Variants in ST18 observed in about 807,000 individuals in gnomAD.
ST18 encodes ST18 C2H2C-type zinc finger transcription factor, also known as suppression of tumorigenicity 18 protein.
A neutral mutation model predicts 110.0 loss-of-function variants in ST18; 50 were observed. The ratio of observed to expected loss-of-function variants is 0.45; its 90% CI spans 0.36 to 0.58. ST18 has a LOEUF of 0.58. Among genes scored for constraint, ST18 ranks in the 20% least tolerant of loss-of-function variants. The pLI is 0.00. For synonymous variants in ST18, 461 were observed against 452.4 expected, an observed-to-expected ratio of 1.02 and a Z score of -0.24; for missense variants, 1,306 against 1,280.1, an observed-to-expected ratio of 1.02 and a Z score of -0.31.
chr8:52,355,405 A>G (rs1395201913), intron 2 of ST18, among the ~76,000 whole-genome samples: 2 of 152,180 alleles, frequency 1.3e-5, no homozygotes, highest in Non-Finnish European at 2.9e-5. Flanking sequence ...GCCAAAATGT[A>G]GTTGTTTGCA....
At chr8:52,350,368 C>T (rs1172306837) in intron 2 of ST18, among the ~76,000 whole-genome samples, 3 of 152,064 alleles carry the variant, frequency 2.0e-5, no homozygotes, top group African/African-American at 2.4e-5. Flanking sequence ...TTGAGACAAA[C>T]GATTCTGGTG....
At chr8:52,276,825 G>A (rs1168997587) in intron 2 of ST18, among the ~76,000 whole-genome samples, 1 of 150,144 alleles carries the variant, frequency 6.7e-6, no homozygotes, top group Non-Finnish European at 1.5e-5. Flanking sequence ...GGAGTGCAGT[G>A]GTGCGATCTC....
Position 52,113,323 on chromosome 8 carries a change from G to C in ST18, c.3019C>G (p.Gln1007Glu). ...GTATTTACATATGCTTCAAAATTCT[G>C]CTCACTGATAGGTCCCTAAATGGAG... Reference protein sequence around the residue: ...QLPQMGPISEQNFEAYVNTLT... With the variant: ...QLPQMGPISEENFEAYVNTLT... Residue 1007 changes from glutamine to glutamate, a missense_variant, in exon 26 of 26, where the codon CAG (glutamine) becomes GAG (glutamate). Coordinates refer to ENST00000689386, the MANE Select transcript of ST18 (RefSeq NM_001352837.2). 6.2e-7 allele frequency: 1 copy of C among 1,613,782 alleles called. No individual in the cohort carries two copies. Among genetic ancestry groups the C allele is most frequent in the Non-Finnish European group, 8.5e-7 (1 of 1,179,834 alleles).
At chr8:52,147,880 T>C (rs2057765889) in intron 16 of ST18, among the ~76,000 whole-genome samples, 1 of 152,166 alleles carries the variant, frequency 6.6e-6, no homozygotes. Context: ...AGCTAACTCG[T>C]ATGTAGTAGG....
chr8:52,268,441 C>CT (rs1484497411), intron 2 of ST18, among the ~76,000 whole-genome samples: 3 of 151,942 alleles, frequency 2.0e-5, no homozygotes, highest in Non-Finnish European at 2.9e-5. Context: ...GAGCTTCTGT[C>CT]TATCTATCTA....
chr8:52,116,003 A>G (rs1482992812), intron 25 of ST18, among the ~76,000 whole-genome samples: 1 of 152,130 alleles, frequency 6.6e-6, no homozygotes, highest in Middle Eastern at 3.2e-3. Context: ...TTCAACTTTC[A>G]CATGACATTG....
intron 22 of ST18, among the ~76,000 whole-genome samples, chr8:52,130,119 A>AAAAGAAAGAAAGAAAGAAAGAACG (rs2048797495): frequency 5.7e-5 from 6 of 105,164 alleles, no homozygotes; most frequent in African/African-American, 2.5e-4. Flanking sequence ...AGAAAGAAAG[A>AAAAGAAAGAAAGAAAGAAAGAACG]AAAGAAAGAA....
chr8:52,119,717 C>T (rs944361527), intron 23 of ST18, among the ~76,000 whole-genome samples: 6 of 152,068 alleles, frequency 3.9e-5, no homozygotes, highest in Non-Finnish European at 5.9e-5. Flanking sequence ...AAAAACAACA[C>T]GGGAGATTCT....
chr8:52,135,183 C>G (rs1349190949), intron 19 of ST18, among the ~76,000 whole-genome samples: 1 of 152,146 alleles, frequency 6.6e-6, no homozygotes, highest in African/African-American at 2.4e-5. Context: ...TCTCTACTTA[C>G]TACTTATATT....
rs557635889 is a variant in ST18, at chr8:52,195,426, TCAAA to T, written c.87-15118_87-15115del. ...ATATATGTGACTTTATATTTATTTT[TCAAA>T]CAGTGTTATAAAACTTAAAAACTAT... On this transcript the variant is annotated intron_variant, in intron 8 of 25. Coordinates refer to ENST00000689386, the MANE Select transcript of ST18 (RefSeq NM_001352837.2). Among the ~76,000 whole-genome samples the T allele has an allele frequency of 1.7e-4, 26 of 152,176 alleles. 1 individual carries two copies. In the South Asian group the frequency reaches 1.9e-3, roughly 11 times the overall value.
chr8:52,200,275 A>T (rs903515716), intron 8 of ST18, among the ~76,000 whole-genome samples: 30 of 152,224 alleles, frequency 2.0e-4, no homozygotes, highest in Non-Finnish European at 5.9e-5. Flanking sequence ...ATAAAGCAGA[A>T]GGAGAATAAT....
intron 21 of ST18, 139 bp from the exon 22 acceptor site, chr8:52,132,318 C>T: frequency 1.5e-6 from 1 of 679,718 alleles, no homozygotes; most frequent in Non-Finnish European, 2.4e-6. Context: ...CATAAACAGG[C>T]TCAGAGCTAC....
intron 2 of ST18, among the ~76,000 whole-genome samples, chr8:52,277,059 G>C (rs961662972): frequency 6.6e-6 from 1 of 152,310 alleles, no homozygotes; most frequent in South Asian, 2.1e-4. Flanking sequence ...GAGCCACAGT[G>C]CCTGGTCAAA....
intron 2 of ST18, among the ~76,000 whole-genome samples, chr8:52,255,188 G>C (rs899473164): frequency 1.3e-5 from 2 of 152,084 alleles, no homozygotes; most frequent in South Asian, 4.1e-4. Flanking sequence ...GTCTCTGTGC[G>C]GCCCGGAGTG....
chr8:52,267,606 G>A (rs2094917303), intron 2 of ST18, among the ~76,000 whole-genome samples: 1 of 151,948 alleles, frequency 6.6e-6, no homozygotes, highest in South Asian at 2.1e-4. Flanking sequence ...AGCATTGAAT[G>A]GGGAAAATAT....
At chr8:52,309,472 GATTGCACC>G (rs1039116974) in intron 2 of ST18, among the ~76,000 whole-genome samples, 13 of 125,264 alleles carry the variant, frequency 1.0e-4, no homozygotes, top group African/African-American at 4.0e-4. Flanking sequence ...AGTGAGCCGA[GATTGCACC>G]ATTGCACTCC....
chr8:52,275,696 A>C (rs931842798), intron 2 of ST18, among the ~76,000 whole-genome samples: 1 of 152,166 alleles, frequency 6.6e-6, no homozygotes, highest in African/African-American at 2.4e-5. Flanking sequence ...GGAAGGCATC[A>C]CATACCATTT....
chr8:52,123,482 T>G (rs2045811201), intron 23 of ST18, among the ~76,000 whole-genome samples: 1 of 152,238 alleles, frequency 6.6e-6, no homozygotes, highest in Non-Finnish European at 1.5e-5. Flanking sequence ...CAAACCACTT[T>G]AGGTCCTTCT....
rs140708576 is a variant in ST18 at position 52,276,924 on chromosome 8, G to A, written c.-464-46847C>T. Among the ~76,000 whole-genome samples, 57 of 152,006 alleles carry A rather than the reference G, an allele frequency of 3.7e-4. 1 individual carries two copies. The highest frequency in any genetic ancestry group is 1.3e-3 in the African/African-American group (55 of 41,458). ...TGGGATTACTGGTGCCCACCACCAC[G>A]CCCAGCTAATTTTTGTATTTTTAGT... On this transcript the variant is annotated intron_variant, in intron 2 of 25. Coordinates refer to ENST00000689386, the MANE Select transcript of ST18 (RefSeq NM_001352837.2).
Sources: allele counts gnomAD v4.1 joint callset (sites outside exome capture counted in the v4.1 genomes callset), GRCh38; gene constraint gnomAD v4.1.1; transcripts MANE v1.5; gene names NCBI Gene and HGNC (gene_info 2026-07-23, HGNC 2026-07-21).